The following ZNRF1 variants were observed in gnomAD, a reference collection of about 807,000 sequenced individuals.
ZNRF1 encodes E3 ubiquitin-protein ligase ZNRF1.
ZNRF1 carries 3 observed loss-of-function variants against 18.4 expected under a neutral mutation model. That is an observed-to-expected ratio of 0.16 (90% CI 0.07 to 0.42). The LOEUF is 0.42. ZNRF1 is among the 10% of genes least tolerant of loss of function. The pLI, the probability that ZNRF1 is intolerant of heterozygous loss-of-function variation, is 0.99. For missense variants in ZNRF1, 310 were observed against 329.8 expected (o/e 0.94, Z 0.47); for synonymous variants, 157 against 144.2 (o/e 1.09, Z -0.64).
In ZNRF1 at chr16:75,093,560, C is replaced by T. The variant is rs1245621918; in HGVS notation, c.425-12C>T. The T allele has an allele frequency of 6.2e-7, 1 of 1,608,132 alleles. No individual in the cohort carries two copies. The highest frequency in any genetic ancestry group is 8.5e-7 in the Non-Finnish European group (1 of 1,174,800). ...TGGAGAAAACATTTCATCCCATTCT[C>T]CTCTCTTTCAGGTTTCAAGTGCCCC... On this transcript the variant is annotated splice_polypyrimidine_tract_variant and intron_variant, in intron 1 of 4. Coordinates refer to ENST00000335325, the MANE Select transcript of ZNRF1 (RefSeq NM_032268.5).
At chr16:75,003,228 A>G (rs2034876053) in intron 1 of ZNRF1, among the ~76,000 whole-genome samples, 1 of 152,294 alleles carries the variant, frequency 6.6e-6, no homozygotes, top group East Asian at 1.9e-4. Flanking sequence ...TCCCAAAGTG[A>G]TAGGATTACA....
chr16:75,095,927 G>T (rs376355209), intron 2 of ZNRF1, among the ~76,000 whole-genome samples: 1 of 152,174 alleles, frequency 6.6e-6, no homozygotes, highest in South Asian at 2.1e-4. Flanking sequence ...GCCCCCCTTA[G>T]AGGAAGGGGA....
chr16:75,018,177 T>G (rs1272879721), intron 1 of ZNRF1, among the ~76,000 whole-genome samples: 1 of 152,260 alleles, frequency 6.6e-6, no homozygotes, highest in African/African-American at 2.4e-5. Flanking sequence ...TGTCACTGGA[T>G]AAAGCTTTAT....
intron 1 of ZNRF1, among the ~76,000 whole-genome samples, chr16:75,026,254 A>T (rs555540685): frequency 4.9e-4 from 75 of 152,188 alleles, no homozygotes; most frequent in African/African-American, 1.8e-3. Flanking sequence ...TTCTAAGGTT[A>T]TTTATTTTTT....
chr16:75,013,557 G>T (rs1034545486), intron 1 of ZNRF1, among the ~76,000 whole-genome samples: 1 of 152,182 alleles, frequency 6.6e-6, no homozygotes, highest in Non-Finnish European at 1.5e-5. Context: ...ATGTTAGCCA[G>T]GATGGTCTCA....
At chr16:75,095,613 G>A (rs747648592) in intron 2 of ZNRF1, 1 of 1,547,712 alleles carries the variant, frequency 6.5e-7, no homozygotes. Flanking sequence ...ATACAAAGAA[G>A]CCTCAGAGGG....
At chr16:75,065,838 C>T (rs2035796515) in intron 1 of ZNRF1, among the ~76,000 whole-genome samples, 1 of 152,156 alleles carries the variant, frequency 6.6e-6, no homozygotes, top group Admixed American at 6.5e-5. Flanking sequence ...GGACACTCCA[C>T]CAATTATTAG....
intron 2 of ZNRF1, among the ~76,000 whole-genome samples, chr16:75,098,870 AC>A (rs2036227164): frequency 6.6e-6 from 1 of 151,130 alleles, no homozygotes; most frequent in Admixed American, 6.6e-5. Flanking sequence ...GAGCCTCCCC[AC>A]CCCTCCATAC....
intron 1 of ZNRF1, among the ~76,000 whole-genome samples, chr16:75,064,537 C>T (rs1428837006): frequency 1.4e-5 from 2 of 146,036 alleles, no homozygotes; most frequent in Admixed American, 7.0e-5. Flanking sequence ...GCCTGGGTGA[C>T]AGAGTGAGAC....
At chr16:75,050,193 G>C (rs1260615299) in intron 1 of ZNRF1, among the ~76,000 whole-genome samples, 1 of 152,084 alleles carries the variant, frequency 6.6e-6, no homozygotes, top group Non-Finnish European at 1.5e-5. Context: ...CCATGGTATG[G>C]ATGGACCACG....
chr16:75,083,013 TATAA>T (rs1403506283), intron 1 of ZNRF1, among the ~76,000 whole-genome samples: 2 of 152,272 alleles, frequency 1.3e-5, no homozygotes, highest in Admixed American at 1.3e-4. Context: ...ATCTTAAAAT[TATAA>T]ATATCTGTGG....
chr16:75,054,932 C>A (rs1046505429), intron 1 of ZNRF1, among the ~76,000 whole-genome samples: 1 of 152,224 alleles, frequency 6.6e-6, no homozygotes, highest in Non-Finnish European at 1.5e-5. Context: ...TTGGTCTTTT[C>A]TCCTGTCTAG....
At chr16:75,051,317 C>T (rs1434677749) in intron 1 of ZNRF1, among the ~76,000 whole-genome samples, 3 of 152,060 alleles carry the variant, frequency 2.0e-5, no homozygotes, top group Non-Finnish European at 2.9e-5. Flanking sequence ...AAGCAATTCT[C>T]CTGCCTCAGC....
chr16:75,028,310 T>C (rs979044975), intron 1 of ZNRF1, among the ~76,000 whole-genome samples: 2 of 152,246 alleles, frequency 1.3e-5, no homozygotes, highest in African/African-American at 4.8e-5. Context: ...GTTTTTTGTT[T>C]TTGAGACGGA....
At chr16:75,095,765 C>A in intron 2 of ZNRF1, 1 of 1,503,640 alleles carries the variant, frequency 6.7e-7, no homozygotes, top group South Asian at 1.2e-5. Flanking sequence ...GGCTGTCCAG[C>A]TCCTCTGCCA....
intron 1 of ZNRF1, among the ~76,000 whole-genome samples, chr16:75,050,459 G>C (rs377737328): frequency 2.6e-5 from 4 of 152,106 alleles, no homozygotes; most frequent in South Asian, 4.1e-4. Context: ...CTGGGAGGCA[G>C]AGGTTGCAGT....
chr16:75,012,313 T>C (rs1013851045), intron 1 of ZNRF1, among the ~76,000 whole-genome samples: 3 of 152,152 alleles, frequency 2.0e-5, no homozygotes, highest in Admixed American at 6.5e-5. Context: ...GAAGGAGGCC[T>C]TGGGTTAGAG....
chr16:75,102,233 GA>G (rs2036262223), intron 2 of ZNRF1, among the ~76,000 whole-genome samples: 1 of 152,138 alleles, frequency 6.6e-6, no homozygotes, highest in East Asian at 1.9e-4. Context: ...AATAATAAGA[GA>G]ACACAAAGAA....
At chr16:75,019,751 G>A (rs1033659225) in intron 1 of ZNRF1, among the ~76,000 whole-genome samples, 1 of 152,096 alleles carries the variant, frequency 6.6e-6, no homozygotes, top group African/African-American at 2.4e-5. Flanking sequence ...TTGAGACAGG[G>A]TCTTGCTTTG....
Sources: gnomAD v4.1 joint callset for allele counts (sites outside exome capture counted in the v4.1 genomes callset) on GRCh38, gnomAD v4.1.1 for gene constraint, MANE v1.5 for transcripts, NCBI Gene and HGNC (gene_info 2026-07-23, HGNC 2026-07-21) for gene names.